PLXDC2: variants seen among roughly 807,000 people sequenced by gnomAD.
PLXDC2 encodes the protein plexin domain containing 2, also known as plexin domain-containing protein 2.
Under a neutral mutation model 68.9 loss-of-function variants are expected in PLXDC2, and 40 were observed. That is an observed-to-expected ratio of 0.58 (90% confidence interval 0.45 to 0.76). The LOEUF is 0.76. Ranked by LOEUF, PLXDC2 falls within the 30% of genes least tolerant of loss-of-function variation. The pLI is 0.00. For missense variants in PLXDC2, 644 were observed against 661.9 expected (o/e 0.97, Z 0.30); for synonymous variants, 243 against 234.2 (o/e 1.04, Z -0.34).
intron 7 of PLXDC2, among the ~76,000 whole-genome samples, chr10:20,168,849 A>G (rs1009821230): frequency 1.1e-4 from 17 of 152,206 alleles, no homozygotes; most frequent in African/African-American, 4.1e-4. Flanking sequence ...TTAGAAATCT[A>G]CTACAGAGAA....
chr10:20,194,027 A>T (rs1381075437), intron 9 of PLXDC2, among the ~76,000 whole-genome samples: 1 of 152,052 alleles, frequency 6.6e-6, no homozygotes, highest in Non-Finnish European at 1.5e-5. Context: ...GTGCAATCTT[A>T]GAAACTGACC....
chr10:19,973,810 TG>T (rs1474248131), intron 1 of PLXDC2, among the ~76,000 whole-genome samples: 1 of 152,184 alleles, frequency 6.6e-6, no homozygotes, highest in Non-Finnish European at 1.5e-5. Context: ...CTGAGCTCCC[TG>T]GGAGAGCGCC....
chr10:19,929,206 C>A (rs765924299), intron 1 of PLXDC2, among the ~76,000 whole-genome samples: 6 of 151,678 alleles, frequency 4.0e-5, no homozygotes, highest in Non-Finnish European at 8.8e-5. Context: ...TGGTGAAACC[C>A]TGCTCTACTA....
chr10:19,896,741 A>G (rs1838064326), intron 1 of PLXDC2, among the ~76,000 whole-genome samples: 1 of 152,178 alleles, frequency 6.6e-6, no homozygotes. Context: ...TTACAGTAAA[A>G]TAAAATGGCA....
chr10:20,264,715 A>T (rs1835848960), intron 13 of PLXDC2, among the ~76,000 whole-genome samples: 1 of 152,088 alleles, frequency 6.6e-6, no homozygotes, highest in South Asian at 2.1e-4. Context: ...GTTTAAAAGT[A>T]GATTTTTTAA....
chr10:20,215,911 C>T (rs1022060176), intron 10 of PLXDC2, among the ~76,000 whole-genome samples: 1 of 152,004 alleles, frequency 6.6e-6, no homozygotes, highest in African/African-American at 2.4e-5. Context: ...GAAATTCATA[C>T]TGAGCATAAT....
In PLXDC2 at chr10:20,081,097, A is replaced by G. The variant is rs1836548524; in HGVS notation, c.541+12858A>G. 2.0e-5 allele frequency among the ~76,000 whole-genome samples: 3 copies of G among 152,278 alleles called. No homozygotes were observed. The South Asian group carries it at 6.2e-4, about 32-fold the overall frequency. On this transcript the variant is annotated intron_variant, in intron 4 of 13. Transcript: ENST00000377252. ...GCAAGGGAAGAGTAATCATTGTGAA[A>G]TACACCTAGAGCCTTCTCCAGAACA...
chr10:20,266,736 A>G (rs1020193449), intron 13 of PLXDC2, among the ~76,000 whole-genome samples: 1 of 152,158 alleles, frequency 6.6e-6, no homozygotes, highest in Admixed American at 6.5e-5. Context: ...AACTAAATCG[A>G]GAGACTTTCC....
intron 6 of PLXDC2, among the ~76,000 whole-genome samples, chr10:20,158,501 C>CAAAAAAAAAAAAAAAAAAAAAAAAAAA (rs59079629): frequency 1.3e-4 from 15 of 118,774 alleles, no homozygotes; most frequent in Non-Finnish European, 1.7e-4. Context: ...TCTGTCTCTG[C>CAAAAAAAAAAAAAAAAAAAAAAAAAAA]AAAAAAAAAA....
intron 1 of PLXDC2, among the ~76,000 whole-genome samples, chr10:19,994,912 T>G (rs1251338027): frequency 6.6e-6 from 1 of 152,004 alleles, no homozygotes; most frequent in Admixed American, 6.6e-5. Context: ...CTGGCTAATT[T>G]TTTGTATTTT....
At chr10:20,270,958 G>GAAAAA (rs141776302) in intron 13 of PLXDC2, among the ~76,000 whole-genome samples, 1 of 145,952 alleles carries the variant, frequency 6.9e-6, no homozygotes. Flanking sequence ...AAAAAAACTG[G>GAAAAA]AAAAAAAAAA....
chr10:20,162,562 T>C (rs79606335), intron 6 of PLXDC2, among the ~76,000 whole-genome samples: 43 of 152,242 alleles, frequency 2.8e-4, no homozygotes, highest in Admixed American at 1.0e-3. Context: ...GATCATGTCT[T>C]ATTAGGATAC....
intron 1 of PLXDC2, among the ~76,000 whole-genome samples, chr10:19,841,576 A>G (rs1028303035): frequency 3.1e-5 from 4 of 130,448 alleles, no homozygotes; most frequent in African/African-American, 6.0e-5. Context: ...CTATCTGTCT[A>G]TCTATCATCT....
chr10:20,231,852 C>T (rs1246259852), intron 12 of PLXDC2, among the ~76,000 whole-genome samples: 1 of 151,458 alleles, frequency 6.6e-6, no homozygotes, highest in Non-Finnish European at 1.5e-5. Context: ...TCTGTCTCTA[C>T]AAAAAAATTA....
chr10:19,849,548 A>G (rs2131324949), intron 1 of PLXDC2, among the ~76,000 whole-genome samples: 1 of 152,144 alleles, frequency 6.6e-6, no homozygotes, highest in East Asian at 1.9e-4. Flanking sequence ...CATGATAGTG[A>G]TCTGATGGCT....
chr10:20,078,445 A>G (rs1289027165), intron 4 of PLXDC2, among the ~76,000 whole-genome samples: 1 of 152,200 alleles, frequency 6.6e-6, no homozygotes, highest in Admixed American at 6.5e-5. Flanking sequence ...AGTGCTCCCA[A>G]TTTCTATACA....
rs869124443 is a variant in PLXDC2, at chr10:19,994,312, A to ATTTTTTTTTTTTTTTTTTTT, written c.113-7454_113-7435dup. On this transcript the variant is annotated intron_variant, in intron 1 of 13. Transcript: ENST00000377252. ...TCTGACTACTTGGAAACATGATTAA[A>ATTTTTTTTTTTTTTTTTTTT]TTTTTTTTTTTTTTTTTTTTTTTTT... Among the ~76,000 whole-genome samples, 27 of 34,316 alleles carry ATTTTTTTTTTTTTTTTTTTT rather than the reference A, an allele frequency of 7.9e-4. 1 individual carries two copies. Among genetic ancestry groups the ATTTTTTTTTTTTTTTTTTTT allele is most frequent in the South Asian group, 1.6e-3 (1 of 638 alleles). The allele number at this position is 34,316 out of a possible 152,430, so 22.5% of individuals were successfully genotyped here. A position where few individuals can be genotyped will look rare whatever the true frequency, so the allele number is the denominator to read the frequency against.
chr10:19,980,359 TTA>T (rs1447909155), intron 1 of PLXDC2, among the ~76,000 whole-genome samples: 2 of 152,202 alleles, frequency 1.3e-5, no homozygotes, highest in African/African-American at 4.8e-5. Flanking sequence ...CAAGGATCAG[TTA>T]TGTTTGTGAT....
Position 19,998,813 on chromosome 10 carries a change from A to G in PLXDC2, c.113-2962A>G, listed in dbSNP as rs572675243. ...TAAAACGCTGCTAAACAGTGGGGGA[A>G]AAAAAAAATCAAACCTCAGCTGTCT... is the stretch of plus-strand genomic sequence containing the variant. On this transcript the variant is annotated intron_variant, in intron 1 of 13. Transcript: ENST00000377252. Among the ~76,000 whole-genome samples the G allele has an allele frequency of 0.027, 766 of 27,948 alleles. 5 individuals carry two copies. The African/African-American group carries it at 0.3, about 11-fold the overall frequency. 18.3% of individuals were successfully genotyped at this position (27,948 alleles called of 152,430 possible). A position where few individuals can be genotyped will look rare whatever the true frequency, so the allele number is the denominator to read the frequency against.
Sources: gnomAD v4.1 joint callset for allele counts (sites outside exome capture counted in the v4.1 genomes callset) on GRCh38, gnomAD v4.1.1 for gene constraint, MANE v1.5 for transcripts, NCBI Gene and HGNC (gene_info 2026-07-23, HGNC 2026-07-21) for gene names.